TRAM2: variants seen among roughly 807,000 people sequenced by gnomAD.
The protein encoded by TRAM2 is translocating chain-associated membrane protein 2.
A neutral mutation model predicts 51.0 loss-of-function variants in TRAM2; 12 were observed. That is an observed-to-expected ratio of 0.24 (90% CI 0.15 to 0.38). The LOEUF is 0.38. Ranked by LOEUF, TRAM2 falls within the 10% of genes least tolerant of loss-of-function variation. The probability of loss-of-function intolerance (pLI) is 1.00; values close to 1 mark genes in which losing one functional copy is unlikely to be tolerated. For missense variants in TRAM2, 361 were observed against 462.0 expected (o/e 0.78, Z 2.00); for synonymous variants, 175 against 179.4 (o/e 0.98, Z 0.20).
Position 52,503,122 on chromosome 6 carries a change from G to T in TRAM2, c.*75C>A. ...GAGCATCACAGGCAGGAAGGAGGAG[G>T]CAGGGAGGGGGCCTGGGCTCCTTGC... On this transcript the variant is annotated 3_prime_UTR_variant, in exon 11 of 11. Coordinates refer to ENST00000182527, the MANE Select transcript of TRAM2 (RefSeq NM_012288.4). The T allele has an allele frequency of 8.1e-7, 1 of 1,235,670 alleles. No homozygotes were observed. Among genetic ancestry groups the T allele is most frequent in the Non-Finnish European group, 1.2e-6 (1 of 836,524 alleles). The allele number at this position is 1,235,670 out of a possible 1,614,324, so 76.5% of individuals were successfully genotyped here. A position where few individuals can be genotyped will look rare whatever the true frequency, so the allele number is the denominator to read the frequency against.
chr6:52,537,118 T>C (rs1472362924), intron 1 of TRAM2, among the ~76,000 whole-genome samples: 1 of 152,150 alleles, frequency 6.6e-6, no homozygotes, highest in Non-Finnish European at 1.5e-5. Context: ...ACCCATCCCA[T>C]TCAGTGGGTG....
intron 2 of TRAM2, chr6:52,523,917 G>C (rs983911874): frequency 6.6e-6 from 1 of 152,258 alleles, no homozygotes; most frequent in African/African-American, 2.4e-5. Flanking sequence ...TTAAAAACAC[G>C]CATTCTTGGG....
chr6:52,504,912 G>C (rs1766318065), intron 9 of TRAM2, among the ~76,000 whole-genome samples, 158 bp from the exon 10 acceptor site: 1 of 152,232 alleles, frequency 6.6e-6, no homozygotes, highest in African/African-American at 2.4e-5. Context: ...ACTATCACCA[G>C]GAAGAATGTG....
intron 1 of TRAM2, among the ~76,000 whole-genome samples, chr6:52,566,613 G>T (rs2114107950): frequency 6.6e-6 from 1 of 152,244 alleles, no homozygotes; most frequent in East Asian, 1.9e-4. Context: ...GACCTAAGGG[G>T]CCCTGGGTGA....
chr6:52,505,837 T>G, intron 8 of TRAM2, 95 bp from the exon 9 acceptor site: 1 of 1,507,010 alleles, frequency 6.6e-7, no homozygotes, highest in Non-Finnish European at 8.9e-7. Flanking sequence ...GGGAAGAGGA[T>G]TCAAGGGTGG....
At chr6:52,569,220 C>T (rs1426992821) in intron 1 of TRAM2, among the ~76,000 whole-genome samples, 2 of 151,948 alleles carry the variant, frequency 1.3e-5, no homozygotes, top group African/African-American at 4.8e-5. Flanking sequence ...AATAGTGAAA[C>T]CCCATCTCCA....
chr6:52,504,138 CTG>C (rs1352049888), intron 10 of TRAM2, among the ~76,000 whole-genome samples: 5 of 152,250 alleles, frequency 3.3e-5, no homozygotes, highest in African/African-American at 9.6e-5. Context: ...CACTATGTCA[CTG>C]TGAGTCATTC....
chr6:52,555,313 G>A (rs947909805), intron 1 of TRAM2, among the ~76,000 whole-genome samples: 2 of 150,194 alleles, frequency 1.3e-5, no homozygotes, highest in African/African-American at 4.9e-5. Context: ...CCAGCAGCAG[G>A]CTTATCACTA....
intron 10 of TRAM2, 113 bp from the exon 11 acceptor site, chr6:52,503,383 T>A: frequency 1.1e-6 from 1 of 925,200 alleles, no homozygotes; most frequent in South Asian, 1.3e-5. Context: ...CTGCTATACA[T>A]GGATGCACCA....
At chr6:52,521,824 G>A (rs1459538176) in intron 2 of TRAM2, among the ~76,000 whole-genome samples, 3 of 152,218 alleles carry the variant, frequency 2.0e-5, no homozygotes, top group Non-Finnish European at 4.4e-5. Flanking sequence ...GACTGCCCCT[G>A]TCGTGCATGA....
At chr6:52,561,037 T>C (rs1767489880) in intron 1 of TRAM2, among the ~76,000 whole-genome samples, 1 of 152,056 alleles carries the variant, frequency 6.6e-6, no homozygotes, top group Non-Finnish European at 1.5e-5. Context: ...CGCAGTACAA[T>C]AAAATGATTC....
At chr6:52,522,176 T>G (rs1307096034) in intron 2 of TRAM2, among the ~76,000 whole-genome samples, 1 of 152,240 alleles carries the variant, frequency 6.6e-6, no homozygotes, top group Non-Finnish European at 1.5e-5. Flanking sequence ...CCACTGACCT[T>G]TTAACCTTAC....
intron 1 of TRAM2, among the ~76,000 whole-genome samples, chr6:52,539,725 G>T (rs2268724): frequency 6.6e-6 from 1 of 152,030 alleles, no homozygotes; most frequent in African/African-American, 2.4e-5. Context: ...AGAACAGAGC[G>T]GCACTCAGCA....
intron 1 of TRAM2, among the ~76,000 whole-genome samples, chr6:52,546,200 G>A (rs1450432810): frequency 6.6e-6 from 1 of 152,194 alleles, no homozygotes; most frequent in Non-Finnish European, 1.5e-5. Context: ...CACTAAAGCA[G>A]AGAGAAGGGA....
chr6:52,576,994 C>G lies in TRAM2; in HGVS notation c.-79G>C, dbSNP rs1581708115. 4 of 1,333,306 alleles carry G rather than the reference C, an allele frequency of 3.0e-6. No homozygotes were observed. Among genetic ancestry groups the G allele is most frequent in the East Asian group, 3.2e-5 (1 of 31,614 alleles). 82.6% of individuals were successfully genotyped at this position (1,333,306 alleles called of 1,614,324 possible). On this transcript the variant is annotated 5_prime_UTR_variant, in exon 1 of 11. Transcript: ENST00000182527. ...AGCGCAAACTTCTCCAGCACCGGCC[C>G]GGTCCGCCCGCCGGCCCGCCGCCCG...
At chr6:52,537,908 T>C (rs989130398) in intron 1 of TRAM2, among the ~76,000 whole-genome samples, 2 of 152,174 alleles carry the variant, frequency 1.3e-5, no homozygotes, top group African/African-American at 4.8e-5. Flanking sequence ...GGCTGTCCTC[T>C]ACCATCAACG....
At chr6:52,536,533 G>C (rs770435597) in intron 1 of TRAM2, among the ~76,000 whole-genome samples, 1 of 152,318 alleles carries the variant, frequency 6.6e-6, no homozygotes, top group Non-Finnish European at 1.5e-5. Flanking sequence ...CAAAACCTGG[G>C]GGTTTGAAGG....
At chr6:52,540,936 A>T (rs1396749501) in intron 1 of TRAM2, among the ~76,000 whole-genome samples, 1 of 152,262 alleles carries the variant, frequency 6.6e-6, no homozygotes, top group Non-Finnish European at 1.5e-5. Context: ...AGAGTGAGAA[A>T]GAGAGAAAGT....
chr6:52,525,703 G>A (rs1381533591), intron 2 of TRAM2, among the ~76,000 whole-genome samples: 1 of 152,186 alleles, frequency 6.6e-6, no homozygotes, highest in Non-Finnish European at 1.5e-5. Context: ...AGCTACTCAG[G>A]AGGCTGAAGC....
Sources: allele counts gnomAD v4.1 joint callset (sites outside exome capture counted in the v4.1 genomes callset), GRCh38; gene constraint gnomAD v4.1.1; transcripts MANE v1.5; gene names NCBI Gene and HGNC (gene_info 2026-07-23, HGNC 2026-07-21).